LIN28B: variants seen among roughly 807,000 people sequenced by gnomAD.
LIN28B encodes protein lin-28 homolog B.
A neutral mutation model predicts 21.9 loss-of-function variants in LIN28B; 5 were observed. The observed-to-expected ratio is 0.23, with a 90% CI of 0.12 to 0.48. The LOEUF is 0.48. Among genes scored for constraint, LIN28B ranks in the 20% least tolerant of loss-of-function variants. The pLI is 0.98. For synonymous variants in LIN28B, 109 were observed against 111.3 expected (o/e 0.98, Z 0.13); for missense variants, 245 against 310.5 (o/e 0.79, Z 1.58).
At chr6:105,059,930 T>G (rs561754716) in intron 3 of LIN28B, among the ~76,000 whole-genome samples, 1 of 151,984 alleles carries the variant, frequency 6.6e-6, no homozygotes, top group African/African-American at 2.4e-5. Flanking sequence ...TAAGATGGAG[T>G]TTGGCTCTTG....
chr6:104,946,241 CAT>C (rs1372978153), intron 2 of LIN28B, among the ~76,000 whole-genome samples: 4 of 151,974 alleles, frequency 2.6e-5, no homozygotes, highest in African/African-American at 9.7e-5. Context: ...TGTAGAAAGT[CAT>C]GTGTAACTAT....
intron 3 of LIN28B, among the ~76,000 whole-genome samples, chr6:105,067,523 A>G (rs1038044224): frequency 1.3e-5 from 2 of 152,202 alleles, no homozygotes; most frequent in Non-Finnish European, 2.9e-5. Flanking sequence ...CTCCCAGGAA[A>G]TTGGAAATCA....
intron 3 of LIN28B, among the ~76,000 whole-genome samples, chr6:105,065,955 C>T (rs753584582): frequency 2.6e-5 from 4 of 152,110 alleles, no homozygotes; most frequent in Non-Finnish European, 5.9e-5. Context: ...TCACTTGAGC[C>T]GAGCCTAGAA....
intron 2 of LIN28B, among the ~76,000 whole-genome samples, chr6:105,015,840 G>T (rs1255180074): frequency 6.6e-6 from 1 of 152,110 alleles, no homozygotes; most frequent in African/African-American, 2.4e-5. Flanking sequence ...TAAATATTCA[G>T]TATATTTGTG....
chr6:104,991,404 C>T (rs1315783650), intron 2 of LIN28B, among the ~76,000 whole-genome samples: 8 of 151,896 alleles, frequency 5.3e-5, no homozygotes, highest in Non-Finnish European at 8.8e-5. Flanking sequence ...GCGCTCCTCA[C>T]ATCCCAGACG....
chr6:105,074,462 T>G (rs560100176), intron 3 of LIN28B, among the ~76,000 whole-genome samples: 1 of 152,110 alleles, frequency 6.6e-6, no homozygotes, highest in Non-Finnish European at 1.5e-5. Flanking sequence ...CCTCCCAAAG[T>G]GCTGGGATTA....
rs993851653 is a variant in LIN28B at position 105,004,517 on chromosome 6, G to A, written c.199-21781G>A. ...CCATGAACTTCTTACTGCAGAAAAT[G>A]AGAATTTAGCTGTTTTAAACCACTT... On this transcript the variant is annotated intron_variant, in intron 2 of 3. Coordinates refer to ENST00000345080, the MANE Select transcript of LIN28B (RefSeq NM_001004317.4). Among the ~76,000 whole-genome samples, 4 of 151,882 alleles carry A rather than the reference G, an allele frequency of 2.6e-5. No individual in the cohort carries two copies. The East Asian group carries it at 7.7e-4, about 29-fold the overall frequency.
At chr6:104,978,098 A>T (rs367835498) in intron 2 of LIN28B, among the ~76,000 whole-genome samples, 81 of 152,340 alleles carry the variant, frequency 5.3e-4, no homozygotes, top group African/African-American at 1.7e-3. Context: ...CATATTCATT[A>T]TGCATTGAGT....
upstream of LIN28B, among the ~76,000 whole-genome samples, chr6:104,954,857 A>C (rs1778264451): frequency 6.6e-6 from 1 of 152,074 alleles, no homozygotes; most frequent in Non-Finnish European, 1.5e-5. Context: ...CATCAAATTT[A>C]ACAATAAACA....
In LIN28B at chr6:104,981,623, C is replaced by T. The variant is rs765582699; in HGVS notation, c.198+23337C>T. 3.9e-5 allele frequency among the ~76,000 whole-genome samples: 6 copies of T among 152,220 alleles called. No individual in the cohort carries two copies. In the East Asian group the frequency reaches 7.7e-4, roughly 20 times the overall value. ...AGCTAATGTGTATACTTGTACAGTGCGATTTGTAAAGCCGCTTCCTATTCA... is the reference window on the plus strand; with the variant it reads ...AGCTAATGTGTATACTTGTACAGTGTGATTTGTAAAGCCGCTTCCTATTCA... On this transcript the variant is annotated intron_variant, in intron 2 of 3. Coordinates refer to ENST00000345080, the MANE Select transcript of LIN28B (RefSeq NM_001004317.4).
intron 2 of LIN28B, among the ~76,000 whole-genome samples, chr6:104,970,710 G>A (rs1769959440): frequency 6.6e-6 from 1 of 152,088 alleles, no homozygotes; most frequent in African/African-American, 2.4e-5. Flanking sequence ...GAAAGTAGGG[G>A]TGGTGGTTGG....
intron 2 of LIN28B, among the ~76,000 whole-genome samples, 153 bp downstream of exon 2, chr6:104,958,439 C>T (rs1769632080): frequency 6.6e-6 from 1 of 151,988 alleles, no homozygotes; most frequent in Non-Finnish European, 1.5e-5. Flanking sequence ...GTTTAGGGTA[C>T]GTGTATGGGC....
At chr6:104,943,402 A>G (rs1279604560) in intron 2 of LIN28B, among the ~76,000 whole-genome samples, 4 of 152,182 alleles carry the variant, frequency 2.6e-5, no homozygotes, top group Non-Finnish European at 5.9e-5. Flanking sequence ...AACAGTCTTC[A>G]GGTGTGAGTG....
At chr6:105,027,237 G>C (rs1771304193) in intron 3 of LIN28B, among the ~76,000 whole-genome samples, 1 of 151,986 alleles carries the variant, frequency 6.6e-6, no homozygotes. Context: ...TCAATACCTA[G>C]TTCTAAACTA....
chr6:105,023,295 AT>A lies in LIN28B; in HGVS notation c.199-3002del, dbSNP rs1562096152. On this transcript the variant is annotated intron_variant, in intron 2 of 3. Coordinates refer to ENST00000345080, the MANE Select transcript of LIN28B (RefSeq NM_001004317.4). ...ATTATTATATATATAAATAATATAT[AT>A]ATTTATATATAATTATATTATATAT... 4.3e-3 allele frequency among the ~76,000 whole-genome samples: 107 copies of A among 24,810 alleles called. 5 individuals carry two copies. Among genetic ancestry groups the A allele is most frequent in the African/African-American group, 0.015 (102 of 6,774 alleles). 16.3% of individuals were successfully genotyped at this position (24,810 alleles called of 152,430 possible).
chr6:104,968,207 A>G lies in LIN28B; in HGVS notation c.198+9921A>G, dbSNP rs182780408. 2.0e-4 allele frequency among the ~76,000 whole-genome samples: 31 copies of G among 152,306 alleles called. 1 individual carries two copies. In the East Asian group the frequency reaches 5.8e-3, roughly 28 times the overall value. Reference sequence around the variant, plus strand: ...TTTCCAGTTAATTCTCATTGTTTGCATATAAGGCATAAAAGCAAAGGATCA... The same window carrying G: ...TTTCCAGTTAATTCTCATTGTTTGCGTATAAGGCATAAAAGCAAAGGATCA... On this transcript the variant is annotated intron_variant, in intron 2 of 3. Coordinates refer to ENST00000345080, the MANE Select transcript of LIN28B (RefSeq NM_001004317.4).
chr6:105,021,429 T>A (rs1304505465), intron 2 of LIN28B, among the ~76,000 whole-genome samples: 1 of 152,212 alleles, frequency 6.6e-6, no homozygotes, highest in African/African-American at 2.4e-5. Context: ...TTTTAGTTCT[T>A]TGGTAAATCT....
At chr6:104,978,353 A>G (rs1770147793) in intron 2 of LIN28B, among the ~76,000 whole-genome samples, 1 of 152,212 alleles carries the variant, frequency 6.6e-6, no homozygotes, top group Admixed American at 6.5e-5. Context: ...TGGGAAGATG[A>G]GATGGTATTA....
At chr6:105,078,014 C>G (rs1772469839) in intron 3 of LIN28B, among the ~76,000 whole-genome samples, 1 of 152,154 alleles carries the variant, frequency 6.6e-6, no homozygotes, top group East Asian at 1.9e-4. Context: ...AGCTGTATTT[C>G]TACACTCTTG....
Sources: gnomAD v4.1 joint callset for allele counts (sites outside exome capture counted in the v4.1 genomes callset) on GRCh38, gnomAD v4.1.1 for gene constraint, MANE v1.5 for transcripts, NCBI Gene and HGNC (gene_info 2026-07-23, HGNC 2026-07-21) for gene names.